The following USF3 variants were observed in gnomAD, a reference collection of about 807,000 sequenced individuals.
The protein encoded by USF3 is upstream transcription factor family member 3.
USF3 carries 29 observed loss-of-function variants against 157.5 expected under a neutral mutation model. That is an observed-to-expected ratio of 0.18 (90% CI 0.14 to 0.25). The LOEUF (loss-of-function observed/expected upper bound fraction) is 0.25, where lower values mean the gene tolerates loss of function less well. USF3 is among the 10% of genes least tolerant of loss of function. USF3 has a pLI of 1.00. For missense variants in USF3, 2,381 were observed against 2,667.6 expected, an observed-to-expected ratio of 0.89 and a Z score of 2.37; for synonymous variants, 893 against 941.4, an observed-to-expected ratio of 0.95 and a Z score of 0.94.
At position 113,659,958 on chromosome 3, in the gene USF3, G is replaced by T. The variant is rs781705036; in HGVS notation, c.1724C>A (p.Thr575Lys). 6.2e-7 allele frequency: 1 copy of T among 1,614,166 alleles called. No individual in the cohort carries two copies. Among genetic ancestry groups the T allele is most frequent in the African/African-American group, 1.3e-5 (1 of 75,032 alleles). Residue 575 changes from threonine (T) to lysine (K), a missense_variant, in exon 7 of 7, where the codon ACA (threonine) becomes AAA (lysine). This residue lies in a region of USF3 where 1,435 missense variants were observed against 1,550.9 expected (regional missense o/e 0.93). Transcript: ENST00000316407. ...TVMRAEVSNQ[T>K]VGQQIVIIQA... ...TATGATTACTATCTGTTGACCTACT[G>T]TTTGGTTGGAAACTTCTGCCCTCAT...
Position 113,659,873 on chromosome 3 carries a change from T to C in USF3, c.1809A>G (p.Arg603=), listed in dbSNP as rs757788506. The C allele has an allele frequency of 6.2e-7, 1 of 1,614,016 alleles. No homozygotes were observed. The highest frequency in any genetic ancestry group is 8.5e-7 in the Non-Finnish European group (1 of 1,180,014). The change falls in exon 7 of 7, where the codon CGA becomes CGG. Residue 603 remains arginine (R), a synonymous_variant. Transcript: ENST00000316407. ...LLPAPPPGSV[R]LPINGANTVI... ...CAGTATTGGCTCCATTGATGGGGAGTCGAACAGAACCAGGAGGTGGAGCAG... is the reference window on the plus strand; with the variant it reads ...CAGTATTGGCTCCATTGATGGGGAGCCGAACAGAACCAGGAGGTGGAGCAG...
At position 113,659,250 on chromosome 3, in the gene USF3, G is replaced by A. The variant is rs1219667497; in HGVS notation, c.2432C>T (p.Ala811Val). 3.7e-6 allele frequency: 6 copies of A among 1,614,020 alleles called. No individual in the cohort carries two copies. Among genetic ancestry groups the A allele is most frequent in the Admixed American group, 1.7e-5 (1 of 59,994 alleles). Residue 811 changes from alanine (A) to valine (V), a missense_variant, in exon 7 of 7, where the codon GCG becomes GTG. This residue lies in a region of USF3 where 1,435 missense variants were observed against 1,550.9 expected (regional missense o/e 0.93). Transcript: ENST00000316407. ...GRKHLAANKS[A>V]CPLNSVRDVS... ...ATCTCTGACTGAATTCAGGGGACAC[G>A]CTGACTTGTTTGCTGCTAAGTGTTT...
chr3:113,655,563 A>G lies in USF3; in HGVS notation c.6119T>C (p.Phe2040Ser), dbSNP rs1464171821. Residue 2040 changes from phenylalanine to serine, a missense_variant, in exon 7 of 7, where the codon TTC becomes TCC. This residue lies in a region of USF3 where 770 missense variants were observed against 824.2 expected (regional missense o/e 0.93). Coordinates refer to ENST00000316407, the MANE Select transcript of USF3 (RefSeq NM_001009899.4). Reference protein sequence around the residue: ...ATEKRGSIVRFMPDSPQVPND... With the variant: ...ATEKRGSIVRSMPDSPQVPND... ...AGGTACTTGTGGGCTATCAGGCATG[A>G]AACGAACAATACTTCCTCTCTTCTC... is the stretch of plus-strand genomic sequence containing the variant. 1 of 1,614,188 alleles carries G rather than the reference A, an allele frequency of 6.2e-7. No individual in the cohort carries two copies.
Position 113,659,124 on chromosome 3 carries a change from A to G in USF3, c.2558T>C (p.Val853Ala). 1 of 1,614,084 alleles carries G rather than the reference A, an allele frequency of 6.2e-7. No individual in the cohort carries two copies. The highest frequency in any genetic ancestry group is 2.2e-5 in the East Asian group (1 of 44,900). Residue 853 changes from valine (V) to alanine (A), a missense_variant, in exon 7 of 7, where the codon GTG (valine) becomes GCG (alanine). Val to Ala is a moderately conservative substitution (Grantham distance 64). Coordinates refer to ENST00000316407, the MANE Select transcript of USF3 (RefSeq NM_001009899.4). ...SFPAVLPSVS[V>A]SQANSVSVSA... ...AACACTCACACTATTTGCCTGAGAC[A>G]CAGAGACAGATGGTAACACAGCAGG...
At position 113,696,093 on chromosome 3, in the gene USF3, G is replaced by A. The variant is rs553564427; in HGVS notation, c.-135+277C>T. Among the ~76,000 whole-genome samples the A allele has an allele frequency of 1.1e-4, 16 of 152,346 alleles. No individual in the cohort carries two copies. The South Asian group carries it at 3.3e-3, about 32-fold the overall frequency. ...CCCCTCTCGCCCCGCGCGCATCTAG[G>A]AGCTGGGGCGCAGTGCGAGCCCCCC... On this transcript the variant is annotated intron_variant, in intron 1 of 6. Transcript: ENST00000316407.
chr3:113,664,266 T>G, intron 6 of USF3, 47 bp downstream of exon 6: 2 of 1,264,574 alleles, frequency 1.6e-6, no homozygotes, highest in African/African-American at 3.0e-5. Flanking sequence ...CACAAACACC[T>G]AAACATTTTA....
At position 113,656,396 on chromosome 3, in the gene USF3, G is replaced by T; in HGVS notation, c.5286C>A (p.Asn1762Lys). 1 of 1,614,122 alleles carries T rather than the reference G, an allele frequency of 6.2e-7. No individual in the cohort carries two copies. Among genetic ancestry groups the T allele is most frequent in the South Asian group, 1.1e-5 (1 of 91,084 alleles). ...VQSSRNNEIG[N>K]PVSSLRSMQS... ...GCATACTCCGCAATGATGATACAGG[G>T]TTACCTATTTCATTGTTTCTTGAAG... Residue 1762 changes from asparagine to lysine, a missense_variant, in exon 7 of 7, where the codon AAC becomes AAA. Physicochemically the swap from Asn to Lys is moderately conservative, Grantham distance 94 (BLOSUM62 0). Transcript: ENST00000316407.
Position 113,659,206 on chromosome 3 carries a change from G to C in USF3, c.2476C>G (p.Pro826Ala). 1.2e-6 allele frequency: 2 copies of C among 1,614,114 alleles called. No individual in the cohort carries two copies. The highest frequency in any genetic ancestry group is 1.7e-6 in the Non-Finnish European group (2 of 1,180,014). ...SVRDVSKLDC[P>A]NTEGSAEPPC... is the part of the protein sequence containing the mutation. ...GGCTCTGCTGAGCCTTCAGTGTTGG[G>C]GCAGTCTAACTTGCTCACATCTCTG... Residue 826 changes from proline (P) to alanine (A), a missense_variant, in exon 7 of 7, where the codon CCC becomes GCC. By Grantham distance (27) the Pro-to-Ala change is conservative. Coordinates refer to ENST00000316407, the MANE Select transcript of USF3 (RefSeq NM_001009899.4).
chr3:113,691,907 T>C (rs969218865), intron 1 of USF3, among the ~76,000 whole-genome samples: 3 of 152,200 alleles, frequency 2.0e-5, no homozygotes, highest in Admixed American at 6.5e-5. Context: ...TCTTTAAAGA[T>C]TTCTCTGACC....
intron 2 of USF3, among the ~76,000 whole-genome samples, chr3:113,676,432 C>T (rs1707283976): frequency 6.6e-6 from 1 of 152,140 alleles, no homozygotes; most frequent in South Asian, 2.1e-4. Context: ...TACATGGCGG[C>T]AGGAAGGAGA....
At chr3:113,674,653 AT>A (rs925661815) in intron 3 of USF3, among the ~76,000 whole-genome samples, 178 bp downstream of exon 3, 8 of 152,298 alleles carry the variant, frequency 5.3e-5, no homozygotes, top group African/African-American at 1.9e-4. Flanking sequence ...AGGACAGATA[AT>A]TTTTAACCAT....
chr3:113,657,860 A>G lies in USF3; in HGVS notation c.3822T>C (p.Asn1274=). The change falls in exon 7 of 7, where the codon AAT becomes AAC. Residue 1274 remains asparagine, a synonymous_variant. Coordinates refer to ENST00000316407, the MANE Select transcript of USF3 (RefSeq NM_001009899.4). ...CATAGGAGCTAGATGAAACGGTCAG[A>G]TTAACCGTTGCAGGCACAGTTGTTT... is the stretch of plus-strand genomic sequence containing the variant. ...SEQTTVPATV[N]LTVSSSSYGS... is the part of the protein sequence containing the mutation. 1 of 1,614,166 alleles carries G rather than the reference A, an allele frequency of 6.2e-7. No homozygotes were observed. The highest frequency in any genetic ancestry group is 8.5e-7 in the Non-Finnish European group (1 of 1,180,004).
chr3:113,656,948 G>C lies in USF3; in HGVS notation c.4734C>G (p.Ser1578Arg). 1 of 1,614,166 alleles carries C rather than the reference G, an allele frequency of 6.2e-7. No homozygotes were observed. Among genetic ancestry groups the C allele is most frequent in the Non-Finnish European group, 8.5e-7 (1 of 1,180,016 alleles). Residue 1578 changes from serine (S) to arginine (R), a missense_variant, in exon 7 of 7, where the codon AGC becomes AGG. Physicochemically the swap from Ser to Arg is moderately radical, Grantham distance 110. Coordinates refer to ENST00000316407, the MANE Select transcript of USF3 (RefSeq NM_001009899.4). ...TCCGACTAGTTGAAGGGTTTTCACA[G>C]CTCTTCTCTGTCTGGGAGCTTCCAA... ...QHFGSSQTEKSCENPSTSRNH... is the reference protein window; with the variant it reads ...QHFGSSQTEKRCENPSTSRNH...
At chr3:113,663,343 C>G (rs1947515982) in intron 6 of USF3, among the ~76,000 whole-genome samples, 1 of 152,244 alleles carries the variant, frequency 6.6e-6, no homozygotes, top group Admixed American at 6.5e-5. Flanking sequence ...ACTCATCATT[C>G]TGTCTTACAT....
chr3:113,669,952 C>A (rs1707110816), intron 5 of USF3, among the ~76,000 whole-genome samples, 169 bp downstream of exon 5: 1 of 152,034 alleles, frequency 6.6e-6, no homozygotes, highest in Admixed American at 6.6e-5. Flanking sequence ...AGAAACTGTA[C>A]TAAAAGATTG....
rs1707203381 is a variant in USF3, at chr3:113,673,275, T to G, written c.76+73A>C. On this transcript the variant is annotated intron_variant, in intron 4 of 6. Coordinates refer to ENST00000316407, the MANE Select transcript of USF3 (RefSeq NM_001009899.4). The stretch of plus-strand genomic sequence containing the variant: ...GATTCCTTGCTTATAACATAAAAAC[T>G]TATAATCAACTGCAGTATGATTTCA... 4.2e-6 allele frequency: 4 copies of G among 956,252 alleles called. No homozygotes were observed. The East Asian group carries it at 9.7e-5, about 23-fold the overall frequency. The allele number at this position is 956,252 out of a possible 1,614,324, so 59.2% of individuals were successfully genotyped here.
chr3:113,693,876 C>T (rs1707743839), intron 1 of USF3, among the ~76,000 whole-genome samples: 1 of 152,180 alleles, frequency 6.6e-6, no homozygotes, highest in African/African-American at 2.4e-5. Flanking sequence ...TCAACGTCAA[C>T]GTCTGTAGCA....
rs1947372840 is a variant in USF3 at position 113,656,977 on chromosome 3, G to A, written c.4705C>T (p.His1569Tyr). Reference protein sequence around the residue: ...HQQMQQQMQQHFGSSQTEKSC... With the variant: ...HQQMQQQMQQYFGSSQTEKSC... ...TTCTCTGTCTGGGAGCTTCCAAAGT[G>A]TTGCTGCATTTGTTGCTGCATCTGC... The change falls in exon 7 of 7, where the codon CAC (histidine) becomes TAC (tyrosine). Residue 1569 changes from histidine (H) to tyrosine (Y), a missense_variant. This residue lies in a region of USF3 where 770 missense variants were observed against 824.2 expected (regional missense o/e 0.93). Transcript: ENST00000316407. 2 of 1,614,066 alleles carry A rather than the reference G, an allele frequency of 1.2e-6. No individual in the cohort carries two copies. Among genetic ancestry groups the A allele is most frequent in the African/African-American group, 2.7e-5 (2 of 74,922 alleles).
chr3:113,693,758 C>A (rs1707741222), intron 1 of USF3, among the ~76,000 whole-genome samples: 1 of 152,202 alleles, frequency 6.6e-6, no homozygotes, highest in Non-Finnish European at 1.5e-5. Flanking sequence ...GGGGGTCGAT[C>A]ACTAAGAACT....
Sources: gnomAD v4.1 joint callset for allele counts (sites outside exome capture counted in the v4.1 genomes callset) on GRCh38, gnomAD v4.1.1 for gene constraint, gnomAD v4.1.1 regional missense constraint, MANE v1.5 for transcripts, NCBI Gene and HGNC (gene_info 2026-07-23, HGNC 2026-07-21) for gene names.